Variants in ABCA12 observed in about 807,000 individuals in gnomAD.
ABCA12 encodes the protein glucosylceramide transporter ABCA12.
ABCA12 carries 156 observed loss-of-function variants against 293.5 expected under a neutral mutation model. The ratio of observed to expected loss-of-function variants is 0.53; its 90% confidence interval spans 0.47 to 0.61. ABCA12 has a LOEUF of 0.61. Ranked by LOEUF, ABCA12 falls within the 20% of genes least tolerant of loss-of-function variation. The probability of loss-of-function intolerance (pLI) is 0.00; values close to 1 mark genes in which losing one functional copy is unlikely to be tolerated. For missense variants in ABCA12, 2,797 were observed against 3,090.2 expected, an observed-to-expected ratio of 0.91 and a Z score of 2.25; for synonymous variants, 1,063 against 1,108.0, an observed-to-expected ratio of 0.96 and a Z score of 0.81.
chr2:215,115,238 G>A (rs545639986), intron 1 of ABCA12, among the ~76,000 whole-genome samples: 48 of 152,128 alleles, frequency 3.2e-4, no homozygotes, highest in South Asian at 1.2e-3. Flanking sequence ...TGCATTTTAC[G>A]GGGAAAATAA....
In ABCA12 at chr2:215,078,025, C is replaced by A. The variant is rs1304710922; in HGVS notation, c.164-13806G>T. Among the ~76,000 whole-genome samples the A allele has an allele frequency of 2.0e-5, 3 of 152,160 alleles. No individual in the cohort carries two copies. In the East Asian group the frequency reaches 5.8e-4, roughly 29 times the overall value. On this transcript the variant is annotated intron_variant, in intron 2 of 52. Transcript: ENST00000272895. Reference sequence around the variant, plus strand: ...CACAACCTAATTTATTTAAACGATACCACGTTTGCTGCCTGTGCAGTCATT... The same window carrying A: ...CACAACCTAATTTATTTAAACGATAACACGTTTGCTGCCTGTGCAGTCATT...
intron 15 of ABCA12, 57 bp from the exon 16 acceptor site, chr2:215,012,192 A>C: frequency 2.0e-6 from 3 of 1,538,140 alleles, no homozygotes; most frequent in Non-Finnish European, 2.7e-6. Flanking sequence ...ATCCTCATGC[A>C]TTGTTGGTAA....
At position 214,966,073 on chromosome 2, in the gene ABCA12, A is replaced by G. The variant is rs193151464; in HGVS notation, c.5884+775T>C. 1.7e-4 allele frequency among the ~76,000 whole-genome samples: 26 copies of G among 152,334 alleles called. No individual in the cohort carries two copies. In the East Asian group the frequency reaches 4.0e-3, roughly 24 times the overall value. Reference sequence around the variant, plus strand: ...TGCAGCCATAAAAAGGAACGAGATCATGTCCTTTGCAGGGAGATGGATGGA... The same window carrying G: ...TGCAGCCATAAAAAGGAACGAGATCGTGTCCTTTGCAGGGAGATGGATGGA... On this transcript the variant is annotated intron_variant, in intron 39 of 52. Transcript: ENST00000272895.
At chr2:215,055,666 C>A (rs771750671) in intron 3 of ABCA12, among the ~76,000 whole-genome samples, 1 of 151,584 alleles carries the variant, frequency 6.6e-6, no homozygotes, top group Non-Finnish European at 1.5e-5. Context: ...GAAACAAGAT[C>A]TGAATCCTAG....
At chr2:215,067,211 A>G (rs1478193148) in intron 2 of ABCA12, among the ~76,000 whole-genome samples, 1 of 152,148 alleles carries the variant, frequency 6.6e-6, no homozygotes, top group East Asian at 1.9e-4. Context: ...TGTTTCTGGC[A>G]CTTTCAGTTC....
At chr2:215,134,904 T>A (rs1048135155) in intron 1 of ABCA12, among the ~76,000 whole-genome samples, 1 of 151,994 alleles carries the variant, frequency 6.6e-6, no homozygotes, top group Non-Finnish European at 1.5e-5. Flanking sequence ...TGCCTTGGCC[T>A]CTCAAAGGAT....
At chr2:215,125,973 A>G (rs1702912663) in intron 1 of ABCA12, among the ~76,000 whole-genome samples, 1 of 152,136 alleles carries the variant, frequency 6.6e-6, no homozygotes, top group Non-Finnish European at 1.5e-5. Context: ...TGTCCCTTGT[A>G]TGCCGATTTT....
chr2:215,015,628 A>C lies in ABCA12; in HGVS notation c.1818T>G (p.Asp606Glu). Residue 606 changes from aspartate (D) to glutamate (E), a missense_variant, in exon 15 of 53, where the codon GAT becomes GAG. Physicochemically the swap from Asp to Glu is conservative, Grantham distance 45. This residue lies in a region of ABCA12 where 2,130 missense variants were observed against 2,427.0 expected (regional missense o/e 0.88). Coordinates refer to ENST00000272895, the MANE Select transcript of ABCA12 (RefSeq NM_173076.3). ...CTAGTTTGGGAGTGGTGATATTAGT[A>C]TCACAGGAATGCAGCCAGAACACCT... is the stretch of plus-strand genomic sequence containing the variant. ...ISQVFWLHSC[D>E]TNITTPKLED... The C allele has an allele frequency of 6.2e-7, 1 of 1,614,090 alleles. No homozygotes were observed. Among genetic ancestry groups the C allele is most frequent in the Non-Finnish European group, 8.5e-7 (1 of 1,179,966 alleles).
At chr2:215,010,287 A>G in intron 18 of ABCA12, 44 bp downstream of exon 18, 6 of 1,610,040 alleles carry the variant, frequency 3.7e-6, no homozygotes, top group Non-Finnish European at 5.1e-6. Context: ...ACTTTAAAAA[A>G]CATCTTAATA....
chr2:215,124,223 T>A (rs1457633407), intron 1 of ABCA12, among the ~76,000 whole-genome samples: 1 of 152,236 alleles, frequency 6.6e-6, no homozygotes, highest in Non-Finnish European at 1.5e-5. Flanking sequence ...TGTGCTGCTA[T>A]AAACATGTGT....
rs781624596 is a variant in ABCA12, at chr2:214,974,819, G to A, written c.5427C>T (p.Asp1809=). Residue 1809 remains aspartate, a synonymous_variant, in exon 35 of 53, where the codon GAC becomes GAT. Transcript: ENST00000272895. ...STEALVSAMW[D]FPGIDNMCLN... Reference sequence around the variant, plus strand: ...GACACATGTTGTCAATTCCAGGGAAGTCCCACATTGCTGAGACAAGTGCTT... The same window carrying A: ...GACACATGTTGTCAATTCCAGGGAAATCCCACATTGCTGAGACAAGTGCTT... The A allele has an allele frequency of 5.9e-5, 95 of 1,614,100 alleles. No homozygotes were observed. Among genetic ancestry groups the A allele is most frequent in the Non-Finnish European group, 7.9e-5 (93 of 1,179,974 alleles).
rs150196545 is a variant in ABCA12, at chr2:214,949,083, T to C, written c.6919A>G (p.Ile2307Val). The change falls in exon 46 of 53, where the codon ATC (isoleucine) becomes GTC (valine). Residue 2307 changes from isoleucine (I) to valine (V), a missense_variant. Transcript: ENST00000272895. ...AGAATGTTTCCACTTGAAGGAATGA[T>C]GTCTCCTGTCAGCATCTTGAATATA... is the stretch of plus-strand genomic sequence containing the variant. ...TTIFKMLTGD[I>V]IPSSGNILIR... 2.2e-3 allele frequency: 3,569 copies of C among 1,613,958 alleles called. 8 individuals are homozygous for C. The highest frequency in any genetic ancestry group is 3.8e-3 in the Middle Eastern group (23 of 6,058).
At chr2:214,983,389 C>A (rs1415173453) in intron 29 of ABCA12, among the ~76,000 whole-genome samples, 1 of 152,004 alleles carries the variant, frequency 6.6e-6, no homozygotes, top group Non-Finnish European at 1.5e-5. Flanking sequence ...AGGGTAGTAG[C>A]CATGGAGATC....
At chr2:214,980,747 A>T (rs763386607) in intron 30 of ABCA12, 104 bp from the exon 31 acceptor site, 121 of 1,434,996 alleles carry the variant, frequency 8.4e-5, no homozygotes, top group Non-Finnish European at 1.2e-4. Flanking sequence ...GAGAAGAGTC[A>T]CATTTCATGA....
chr2:215,020,338 A>T (rs1700601685), intron 11 of ABCA12, among the ~76,000 whole-genome samples: 1 of 151,180 alleles, frequency 6.6e-6, no homozygotes, highest in East Asian at 1.9e-4. Flanking sequence ...TTAAACCTTA[A>T]AAAGGAAAGA....
intron 38 of ABCA12, among the ~76,000 whole-genome samples, chr2:214,967,944 G>A (rs767946161): frequency 1.3e-5 from 2 of 152,040 alleles, no homozygotes; most frequent in Non-Finnish European, 2.9e-5. Context: ...ATCTGATCCC[G>A]TGACTCTACC....
chr2:215,042,252 T>C (rs1701114955), intron 7 of ABCA12: 1 of 152,182 alleles, frequency 6.6e-6, no homozygotes, highest in African/African-American at 2.4e-5. Flanking sequence ...TTTATGTTTG[T>C]TTGGGATAGA....
intron 15 of ABCA12, among the ~76,000 whole-genome samples, chr2:215,014,385 G>A (rs1248706266): frequency 6.6e-6 from 1 of 152,014 alleles, no homozygotes; most frequent in Non-Finnish European, 1.5e-5. Context: ...CAAATCATGT[G>A]AAGGGTTGTC....
intron 3 of ABCA12, among the ~76,000 whole-genome samples, chr2:215,055,664 A>G (rs889877576): frequency 6.6e-6 from 1 of 151,758 alleles, no homozygotes; most frequent in African/African-American, 2.4e-5. Flanking sequence ...TAGAAACAAG[A>G]TCTGAATCCT....
Sources: allele counts gnomAD v4.1 joint callset (sites outside exome capture counted in the v4.1 genomes callset), GRCh38; gene constraint gnomAD v4.1.1; regional missense constraint gnomAD v4.1.1; transcripts MANE v1.5; gene names NCBI Gene and HGNC (gene_info 2026-07-23, HGNC 2026-07-21).